The following ADAMTS7 variants were observed in gnomAD, a reference collection of about 807,000 sequenced individuals.
The protein encoded by ADAMTS7 is A disintegrin and metalloproteinase with thrombospondin motifs 7.
Under a neutral mutation model 172.6 loss-of-function variants are expected in ADAMTS7, and 89 were observed. The ratio of observed to expected loss-of-function variants is 0.52; its 90% CI spans 0.43 to 0.61. ADAMTS7 has a LOEUF of 0.61. ADAMTS7 is among the 20% of genes least tolerant of loss of function. The pLI, the probability that ADAMTS7 is intolerant of heterozygous loss-of-function variation, is 0.00. For missense variants in ADAMTS7, 1,973 were observed against 2,355.6 expected (o/e 0.84, Z 3.36); for synonymous variants, 885 against 978.4 (o/e 0.90, Z 1.78).
chr15:78,759,955 C>CA (rs764554199), intron 23 of ADAMTS7, among the ~76,000 whole-genome samples: 29 of 152,262 alleles, frequency 1.9e-4, no homozygotes, highest in East Asian at 1.7e-3. Context: ...ACTGCGGTCC[C>CA]GGGGCCTCCT....
chr15:78,782,838 C>T (rs541988199), intron 8 of ADAMTS7, among the ~76,000 whole-genome samples: 1 of 152,172 alleles, frequency 6.6e-6, no homozygotes, highest in East Asian at 1.9e-4. Context: ...CCCTAGAGCC[C>T]CTCCCCAACC....
Position 78,762,555 on chromosome 15 carries a change from G to C in ADAMTS7, c.4751C>G (p.Pro1584Arg). The C allele has an allele frequency of 1.3e-6, 2 of 1,538,240 alleles. No homozygotes were observed. Among genetic ancestry groups the C allele is most frequent in the East Asian group, 2.4e-5 (1 of 40,878 alleles). Residue 1584 changes from proline to arginine, a missense_variant, in exon 23 of 24, where the codon CCC becomes CGC. This residue lies in a region of ADAMTS7 where 42 missense variants were observed against 78.3 expected (regional missense o/e 0.54). Coordinates refer to ENST00000388820, the MANE Select transcript of ADAMTS7 (RefSeq NM_014272.5). Reference sequence around the variant, plus strand: ...GCGCCGCTGGACACCACCACCACAGGGGCCTGAGCACTGAGGGGAGCGGGG... The same window carrying C: ...GCGCCGCTGGACACCACCACCACAGCGGCCTGAGCACTGAGGGGAGCGGGG... ...VVGPWGQCSG[P>R]CGGGVQRRLV...
chr15:78,794,029 G>A (rs942615860), intron 4 of ADAMTS7, among the ~76,000 whole-genome samples: 41 of 152,156 alleles, frequency 2.7e-4, no homozygotes, highest in East Asian at 7.7e-4. Context: ...TTGGGAGGAC[G>A]AGGCGGGCAG....
Position 78,810,655 on chromosome 15 carries a change from C to T in ADAMTS7, c.100+466G>A, listed in dbSNP as rs550991408. On this transcript the variant is annotated intron_variant, in intron 1 of 23. Transcript: ENST00000388820. ...CGGTGGGCGGGAGCTGGGGGGGCGG[C>T]GGGGTCCCGCGAAGACCTGCGACCT... The T allele has an allele frequency of 1.5e-3, 237 of 152,980 alleles. 1 individual carries two copies. The highest frequency in any genetic ancestry group is 3.3e-3 in the Admixed American group (50 of 15,312). The allele number at this position is 152,980 out of a possible 1,614,324, so 9.5% of individuals were successfully genotyped here.
chr15:78,775,180 T>A lies in ADAMTS7; in HGVS notation c.1707-387A>T, dbSNP rs186144517. On this transcript the variant is annotated intron_variant, in intron 11 of 23. Transcript: ENST00000388820. ...CACTGGCTGGAGGGACTGCTCCGAG[T>A]CTCCAGCCCATGACACCAGCATCCT... Among the ~76,000 whole-genome samples, 15 of 152,024 alleles carry A rather than the reference T, an allele frequency of 9.9e-5. No individual in the cohort carries two copies. The East Asian group carries it at 2.9e-3, about 29-fold the overall frequency.
intron 3 of ADAMTS7, among the ~76,000 whole-genome samples, chr15:78,797,537 G>A (rs2055662036): frequency 6.6e-6 from 1 of 152,224 alleles, no homozygotes; most frequent in Admixed American, 6.5e-5. Flanking sequence ...GTTATTCTAG[G>A]GTGGGAGCAG....
chr15:78,801,994 T>C (rs906330726), intron 1 of ADAMTS7, among the ~76,000 whole-genome samples: 1 of 152,074 alleles, frequency 6.6e-6, no homozygotes, highest in African/African-American at 2.4e-5. Flanking sequence ...AGGCTGGCCC[T>C]GGATAATTTT....
Position 78,759,549 on chromosome 15 carries a change from A to T in ADAMTS7, c.4933T>A (p.Phe1645Ile), listed in dbSNP as rs1339778246. 1 of 1,593,874 alleles carries T rather than the reference A, an allele frequency of 6.3e-7. No homozygotes were observed. The highest frequency in any genetic ancestry group is 1.3e-5 in the African/African-American group (1 of 74,692). The change falls in exon 24 of 24, where the codon TTC becomes ATC. Residue 1645 changes from phenylalanine to isoleucine, a missense_variant. Transcript: ENST00000388820. ...CCCAGTAGGCGCAGCGTCTCGCAGA[A>T]CCCGAAGGACAGGCGGTCCCGCTCA... ...RCERDRLSFG[F>I]CETLRLLGRC... is the part of the protein sequence containing the mutation.
intron 23 of ADAMTS7, chr15:78,762,087 C>T: frequency 2.0e-6 from 2 of 985,132 alleles, no homozygotes; most frequent in East Asian, 1.1e-4. Context: ...AGACTGAGAC[C>T]TAGAGGAGAA....
rs927716529 is a variant in ADAMTS7, at chr15:78,771,603, C to T, written c.2358G>A (p.Lys786=). The part of the protein sequence containing the change: ...WENLTSPGPT[K]EPVWIQLLFQ... ...CAGGCACCTGGATCCAGACAGGCTC[C>T]TTGGTGGGACCCGGGGACGTGAGGT... is the stretch of plus-strand genomic sequence containing the variant. The change falls in exon 15 of 24, where the codon AAG becomes AAA. Residue 786 remains lysine (K), a synonymous_variant. Coordinates refer to ENST00000388820, the MANE Select transcript of ADAMTS7 (RefSeq NM_014272.5). The surrounding 1 kb of genome is among the most constrained non-coding windows in gnomAD (Gnocchi z 4.9). 1.9e-6 allele frequency: 3 copies of T among 1,599,856 alleles called. No individual in the cohort carries two copies. Among genetic ancestry groups the T allele is most frequent in the African/African-American group, 1.3e-5 (1 of 74,900 alleles).
Position 78,766,176 on chromosome 15 carries a change from A to C in ADAMTS7, c.3735T>G (p.Pro1245=), listed in dbSNP as rs755968836. ...RPSSTLPPLS[P]VGSTHSSPSP... ...TAGGAGAGGAGTGGGTGCTGCCAAC[A>C]GGGGACAAAGGGGGCAGCGTGGAGC... Residue 1245 remains proline (P), a synonymous_variant, in exon 19 of 24, where the codon CCT becomes CCG. Transcript: ENST00000388820. The C allele has an allele frequency of 9.6e-5, 155 of 1,610,582 alleles. No homozygotes were observed. Among genetic ancestry groups the C allele is most frequent in the Middle Eastern group, 1.9e-4 (1 of 5,348 alleles).
In ADAMTS7 at chr15:78,796,724, G is replaced by A. The variant is rs760185825; in HGVS notation, c.685C>T (p.Arg229Trp). 22 of 1,610,888 alleles carry A rather than the reference G, an allele frequency of 1.4e-5. No homozygotes were observed. The highest frequency in any genetic ancestry group is 1.7e-5 in the Non-Finnish European group (20 of 1,179,468). Reference sequence around the variant, plus strand: ...GACCGCTGGTGTAGACGCCTCAGCCGTGGCCGCCGCCACTGCTGCCGCTGC... The same window carrying A: ...GACCGCTGGTGTAGACGCCTCAGCCATGGCCGCCGCCACTGCTGCCGCTGC... ...WEQRQQWRRP[R>W]LRRLHQRSVS... is the part of the protein sequence containing the mutation. Residue 229 changes from arginine (R) to tryptophan (W), a missense_variant, in exon 4 of 24, where the codon CGG becomes TGG. By Grantham distance (101) the Arg-to-Trp change is moderately radical (BLOSUM62 -3). Coordinates refer to ENST00000388820, the MANE Select transcript of ADAMTS7 (RefSeq NM_014272.5).
chr15:78,764,249 G>T, intron 20 of ADAMTS7, 150 bp from the exon 21 acceptor site: 1 of 1,224,276 alleles, frequency 8.2e-7, no homozygotes. Context: ...AGGCTGGCAG[G>T]CCCCAGGCAA....
intron 4 of ADAMTS7, among the ~76,000 whole-genome samples, chr15:78,796,157 TGTCTCAGGCAGA>T (rs918450033): frequency 2.0e-5 from 3 of 152,184 alleles, no homozygotes; most frequent in Non-Finnish European, 4.4e-5. Context: ...TGTGTGCTGA[TGTCTCAGGCAGA>T]GTCTCAGGCA....
intron 4 of ADAMTS7, among the ~76,000 whole-genome samples, chr15:78,794,709 TTTTTTG>T (rs917754674): frequency 2.6e-5 from 4 of 152,092 alleles, no homozygotes; most frequent in Admixed American, 2.6e-4. Flanking sequence ...GGGCAGGTCT[TTTTTTG>T]TTTTTGTTTT....
intron 13 of ADAMTS7, among the ~76,000 whole-genome samples, chr15:78,773,579 C>T (rs1319848159): frequency 6.6e-6 from 1 of 152,078 alleles, no homozygotes; most frequent in Admixed American, 6.6e-5. Flanking sequence ...CACCTCCCTC[C>T]TGGTCCTCCT....
intron 14 of ADAMTS7, among the ~76,000 whole-genome samples, chr15:78,772,631 C>A (rs1453329664): frequency 3.3e-5 from 5 of 152,278 alleles, no homozygotes; most frequent in Non-Finnish European, 7.3e-5. Context: ...GCTCCCACAG[C>A]CCTCCGGGCC....
At chr15:78,804,148 C>T (rs1156845294) in intron 1 of ADAMTS7, among the ~76,000 whole-genome samples, 1 of 152,130 alleles carries the variant, frequency 6.6e-6, no homozygotes, top group African/African-American at 2.4e-5. Context: ...CTCAAGTCCC[C>T]CAAATGGTTT....
chr15:78,772,360 A>T (rs922844842), intron 14 of ADAMTS7, among the ~76,000 whole-genome samples: 9 of 152,242 alleles, frequency 5.9e-5, no homozygotes, highest in Admixed American at 4.6e-4. Context: ...CTGCTGCGGT[A>T]TGAGCAGCCT....
Sources: gnomAD v4.1 joint callset for allele counts (sites outside exome capture counted in the v4.1 genomes callset) on GRCh38, gnomAD v4.1.1 for gene constraint, gnomAD v4.1.1 regional missense constraint, Gnocchi (gnomAD v3.1) non-coding constraint, MANE v1.5 for transcripts, NCBI Gene and HGNC (gene_info 2026-07-23, HGNC 2026-07-21) for gene names.